Variants in TAS2R1 observed in about 807,000 individuals in gnomAD.
TAS2R1 encodes the protein taste 2 receptor member 1, also known as taste receptor type 2 member 1.
For synonymous variants in TAS2R1, 141 were observed against 134.2 expected, an observed-to-expected ratio of 1.05 and a Z score of -0.35; for missense variants, 370 against 353.4, an observed-to-expected ratio of 1.05 and a Z score of -0.38.
At chr5:9,748,195 A>G in the TAS2R1 span, among the ~76,000 whole-genome samples, 1 of 152,062 alleles carries the variant, frequency 6.6e-6, no homozygotes, top group Non-Finnish European at 1.5e-5. Flanking sequence ...TAAATCCAAG[A>G]TTTTCATGTG....
In TAS2R1 at chr5:9,629,365, G is replaced by T. The variant is rs745474521; in HGVS notation, c.668C>A (p.Pro223His). 3.1e-6 allele frequency: 5 copies of T among 1,614,052 alleles called. No individual in the cohort carries two copies. The Admixed American group carries it at 6.7e-5, about 22-fold the overall frequency. The part of the protein sequence containing the change: ...AGSRVPGRGA[P>H]ISALLSILSF... The stretch of plus-strand genomic sequence containing the variant: ...CAGGATAGACAGCAACGCGCTGATG[G>T]GTGCACCCCTGCCAGGAACCCTGCT... The change falls in exon 1 of 1, where the codon CCC becomes CAC. Residue 223 changes from proline (P) to histidine (H), a missense_variant. Pro to His is a moderately conservative substitution (Grantham distance 77). Transcript: ENST00000382492.
At chr5:9,732,678 T>C in the TAS2R1 span, among the ~76,000 whole-genome samples, 2 of 152,020 alleles carry the variant, frequency 1.3e-5, no homozygotes, top group African/African-American at 4.8e-5. Context: ...TAGAGATAAA[T>C]AGTACAATAA....
At chr5:9,872,507 G>C in the TAS2R1 span, among the ~76,000 whole-genome samples, 1 of 152,202 alleles carries the variant, frequency 6.6e-6, no homozygotes, top group African/African-American at 2.4e-5. Flanking sequence ...TGGGTAGCCA[G>C]AATGAGTGCG....
the TAS2R1 span, among the ~76,000 whole-genome samples, chr5:9,901,563 T>C: frequency 2.6e-5 from 4 of 152,216 alleles, no homozygotes; most frequent in East Asian, 1.9e-4. Flanking sequence ...CTGGGTATAA[T>C]AGGGGCCTTT....
chr5:9,735,805 A>C, the TAS2R1 span, among the ~76,000 whole-genome samples: 14 of 152,256 alleles, frequency 9.2e-5, no homozygotes, highest in Non-Finnish European at 1.5e-4. Context: ...AAGAACCTGC[A>C]AAGTTACCTC....
At chr5:9,660,225 A>ATTTTTTTTTT (rs35208333) in intron 1 of TAS2R1, among the ~76,000 whole-genome samples, 220 of 88,760 alleles carry the variant, frequency 2.5e-3, no homozygotes, top group East Asian at 5.0e-3. Flanking sequence ...CTCCCGGCTA[A>ATTTTTTTTTT]TTTTTTTTTT....
chr5:9,794,828 T>C, the TAS2R1 span, among the ~76,000 whole-genome samples: 1 of 152,168 alleles, frequency 6.6e-6, no homozygotes, highest in African/African-American at 2.4e-5. Flanking sequence ...AAGTTTAGAG[T>C]CCTGCTGTGG....
intron 2 of TAS2R1, among the ~76,000 whole-genome samples, chr5:9,652,934 G>C (rs1164653587): frequency 2.6e-5 from 4 of 152,078 alleles, no homozygotes; most frequent in Non-Finnish European, 4.4e-5. Context: ...ACAATTCAGT[G>C]GCATTGGGTA....
At position 9,671,495 on chromosome 5, in the gene TAS2R1, A is replaced by G. The variant is rs181020121; in HGVS notation, c.-241-11914T>C. ...TCAGCAGCATTTCCATACATCAACAATGTCCAAGCTGAGAGCCAAATCAAG... is the reference window on the plus strand; with the variant it reads ...TCAGCAGCATTTCCATACATCAACAGTGTCCAAGCTGAGAGCCAAATCAAG... On this transcript the variant is annotated intron_variant, in intron 1 of 2. Transcript: ENST00000506620. Among the ~76,000 whole-genome samples, 731 of 152,294 alleles carry G rather than the reference A, an allele frequency of 4.8e-3. 1 individual carries two copies. Among genetic ancestry groups the G allele is most frequent in the Middle Eastern group, 6.8e-3 (2 of 294 alleles).
the TAS2R1 span, among the ~76,000 whole-genome samples, chr5:9,822,570 C>T: frequency 2.6e-5 from 4 of 151,906 alleles, no homozygotes; most frequent in Admixed American, 2.0e-4. Context: ...AGGATGCTCT[C>T]GATCTTCTGA....
intron 1 of TAS2R1, among the ~76,000 whole-genome samples, chr5:9,662,340 G>T (rs548993696): frequency 2.0e-5 from 3 of 152,128 alleles, no homozygotes; most frequent in Non-Finnish European, 2.9e-5. Flanking sequence ...GTTCACTGGG[G>T]GCTCTGCTGC....
the TAS2R1 span, among the ~76,000 whole-genome samples, chr5:9,834,469 C>G: frequency 1.3e-5 from 2 of 152,078 alleles, no homozygotes; most frequent in African/African-American, 4.8e-5. Context: ...GCTGGGTACA[C>G]ATAAAAACAG....
the TAS2R1 span, among the ~76,000 whole-genome samples, chr5:9,719,918 C>CAAAAAA: frequency 1.0e-3 from 63 of 62,652 alleles, no homozygotes; most frequent in African/African-American, 2.2e-3. Context: ...GATTCCGATT[C>CAAAAAA]AAAAAAAAAA....
chr5:9,711,984 T>A (rs1222226931), intron 1 of TAS2R1, among the ~76,000 whole-genome samples: 1 of 141,650 alleles, frequency 7.1e-6, no homozygotes, highest in Non-Finnish European at 1.5e-5. Flanking sequence ...AACGTTTTTT[T>A]TTTTTCACCA....
At chr5:9,680,712 GA>G (rs760621006) in intron 1 of TAS2R1, among the ~76,000 whole-genome samples, 4 of 152,132 alleles carry the variant, frequency 2.6e-5, no homozygotes, top group Non-Finnish European at 5.9e-5. Flanking sequence ...AAAAGGATCA[GA>G]AACTGCCACA....
At chr5:9,777,880 T>TTTG in the TAS2R1 span, among the ~76,000 whole-genome samples, 2 of 151,074 alleles carry the variant, frequency 1.3e-5, no homozygotes, top group African/African-American at 4.8e-5. Context: ...GCCAGGTGTT[T>TTTG]TTTTTTTTTT....
the TAS2R1 span, among the ~76,000 whole-genome samples, chr5:9,752,590 G>T: frequency 1.3e-5 from 2 of 152,042 alleles, no homozygotes; most frequent in African/African-American, 4.8e-5. Flanking sequence ...GGGTACATGT[G>T]CACAACATGC....
In TAS2R1 at chr5:9,627,712, C is replaced by T. The variant is rs972658357; in HGVS notation, c.*1421G>A. On this transcript the variant is annotated 3_prime_UTR_variant, in exon 1 of 1. Coordinates refer to ENST00000382492, the MANE Select transcript of TAS2R1 (RefSeq NM_019599.3). ...CTTCCCACAGCTGGCTTCCTGAGTG[C>T]GTGATTAGCTACAAACCTTCCTACC... is the stretch of plus-strand genomic sequence containing the variant. Among the ~76,000 whole-genome samples, 1 of 152,198 alleles carries T rather than the reference C, an allele frequency of 6.6e-6. No homozygotes were observed. Among genetic ancestry groups the T allele is most frequent in the Non-Finnish European group, 1.5e-5 (1 of 68,044 alleles).
At chr5:9,808,122 G>C in the TAS2R1 span, among the ~76,000 whole-genome samples, 1 of 152,260 alleles carries the variant, frequency 6.6e-6, no homozygotes, top group East Asian at 1.9e-4. Flanking sequence ...AGGGGAGTCT[G>C]ATGAAGACTC....
Sources: gnomAD v4.1 joint callset for allele counts (sites outside exome capture counted in the v4.1 genomes callset) on GRCh38, gnomAD v4.1.1 for gene constraint, MANE v1.5 for transcripts, NCBI Gene and HGNC (gene_info 2026-07-23, HGNC 2026-07-21) for gene names.